Variants in TLCD4 observed in about 807,000 individuals in gnomAD.
The protein encoded by TLCD4 is TLC domain-containing protein 4.
In TLCD4, 7 loss-of-function variants were observed where a neutral mutation model predicts 24.2. The ratio of observed to expected loss-of-function variants is 0.29; its 90% CI spans 0.16 to 0.54. TLCD4 has a LOEUF of 0.54. Ranked by LOEUF, TLCD4 falls within the 20% of genes least tolerant of loss-of-function variation. TLCD4 has a pLI of 0.95. For synonymous variants in TLCD4, 103 were observed against 106.4 expected (o/e 0.97, Z 0.20); for missense variants, 259 against 313.9 (o/e 0.82, Z 1.32).
chr1:95,188,405 A>AG (rs1678907740), intron 6 of TLCD4, among the ~76,000 whole-genome samples: 1 of 151,670 alleles, frequency 6.6e-6, no homozygotes, highest in African/African-American at 2.4e-5. Flanking sequence ...AAAAAAAAAA[A>AG]AAAAGAATTT....
chr1:95,170,955 G>A (rs1425146105), intron 5 of TLCD4, among the ~76,000 whole-genome samples: 1 of 151,928 alleles, frequency 6.6e-6, no homozygotes, highest in Non-Finnish European at 1.5e-5. Context: ...TACCTAAGGA[G>A]TTTGAAATGC....
the TLCD4 span, among the ~76,000 whole-genome samples, chr1:95,103,572 G>A: frequency 0.21 from 31,295 of 151,920 alleles, 3,650 homozygotes; most frequent in East Asian, 0.39. Context: ...GAATGATTGG[G>A]CTTTACTGTT....
At chr1:95,131,548 G>T (rs1386621199) in intron 1 of TLCD4, among the ~76,000 whole-genome samples, 1 of 152,200 alleles carries the variant, frequency 6.6e-6, no homozygotes, top group Non-Finnish European at 1.5e-5. Flanking sequence ...TTTTAGAAAA[G>T]ATTCTCCTGG....
At chr1:95,150,336 G>C in intron 4 of TLCD4, 70 bp downstream of exon 4, 1 of 1,558,780 alleles carries the variant, frequency 6.4e-7, no homozygotes, top group Non-Finnish European at 8.6e-7. Context: ...AGAATATATA[G>C]TCTATGCTTT....
chr1:95,187,046 A>G (rs185325682), intron 6 of TLCD4, among the ~76,000 whole-genome samples: 75 of 152,382 alleles, frequency 4.9e-4, no homozygotes, highest in Admixed American at 2.1e-3. Flanking sequence ...ATGATGTAAA[A>G]TTAGGCAAGG....
intron 1 of TLCD4, chr1:95,121,154 A>G (rs1013602684): frequency 6.6e-6 from 1 of 152,262 alleles, no homozygotes; most frequent in Non-Finnish European, 1.5e-5. Flanking sequence ...CTTTAAGGAA[A>G]AGGAAACGTG....
intron 1 of TLCD4, among the ~76,000 whole-genome samples, chr1:95,138,737 A>G (rs1357234287): frequency 1.3e-5 from 2 of 152,178 alleles, no homozygotes; most frequent in East Asian, 1.9e-4. Flanking sequence ...TACATGGTGT[A>G]GACAGATGCT....
intron 6 of TLCD4, among the ~76,000 whole-genome samples, chr1:95,188,391 A>AAG (rs1678907097): frequency 6.7e-6 from 1 of 149,582 alleles, no homozygotes; most frequent in African/African-American, 2.5e-5. Context: ...CCGTCTCAGA[A>AAG]AAAAAAAAAA....
At chr1:95,118,212 G>A (rs748822021) in intron 1 of TLCD4, 1 of 152,220 alleles carries the variant, frequency 6.6e-6, no homozygotes, top group Non-Finnish European at 1.5e-5. Flanking sequence ...GAAGGGACCA[G>A]GCGTAGAGTC....
chr1:95,096,516 T>G, the TLCD4 span, among the ~76,000 whole-genome samples: 1 of 152,200 alleles, frequency 6.6e-6, no homozygotes, highest in African/African-American at 2.4e-5. Flanking sequence ...ACCTATAGAT[T>G]GTGCCAAAAT....
At chr1:95,093,208 T>C in the TLCD4 span, among the ~76,000 whole-genome samples, 3 of 152,178 alleles carry the variant, frequency 2.0e-5, no homozygotes, top group Non-Finnish European at 4.4e-5. Context: ...TCCCAGAGGG[T>C]GAACCCAGGG....
chr1:95,104,916 A>C, the TLCD4 span, among the ~76,000 whole-genome samples: 1 of 151,632 alleles, frequency 6.6e-6, no homozygotes, highest in African/African-American at 2.4e-5. Flanking sequence ...GCTACTTGGG[A>C]GGTTGAGGCA....
chr1:95,140,046 C>T (rs1170131981), intron 1 of TLCD4, among the ~76,000 whole-genome samples: 1 of 152,096 alleles, frequency 6.6e-6, no homozygotes, highest in Non-Finnish European at 1.5e-5. Context: ...ACAATGCCTC[C>T]TTCTGGACTG....
intron 5 of TLCD4, among the ~76,000 whole-genome samples, chr1:95,172,481 ACT>A (rs932508995): frequency 6.6e-6 from 1 of 151,846 alleles, no homozygotes; most frequent in Admixed American, 6.6e-5. Flanking sequence ...GCCCTAGTTG[ACT>A]CTCTGAAAAG....
chr1:95,128,302 A>G (rs1390967888), intron 1 of TLCD4, among the ~76,000 whole-genome samples: 1 of 152,228 alleles, frequency 6.6e-6, no homozygotes, highest in Non-Finnish European at 1.5e-5. Flanking sequence ...GTTAAGCATT[A>G]TAAAAACAAA....
chr1:95,163,429 T>TC (rs1677898932), intron 5 of TLCD4: 2 of 152,018 alleles, frequency 1.3e-5, no homozygotes, highest in Admixed American at 1.3e-4. Context: ...TTAGCTTTTT[T>TC]GCGATGGGTT....
At chr1:95,135,214 T>G (rs558505552) in intron 1 of TLCD4, among the ~76,000 whole-genome samples, 1 of 152,044 alleles carries the variant, frequency 6.6e-6, no homozygotes, top group Non-Finnish European at 1.5e-5. Context: ...GTTTGCAGAG[T>G]CCTCTGAAAG....
At chr1:95,174,538 A>G (rs1207111751) in intron 6 of TLCD4, among the ~76,000 whole-genome samples, 2 of 149,568 alleles carry the variant, frequency 1.3e-5, no homozygotes, top group South Asian at 4.2e-4. Context: ...AAAAAAGAAA[A>G]TTAGCTGGGC....
intron 1 of TLCD4, among the ~76,000 whole-genome samples, chr1:95,124,550 G>A (rs926830824): frequency 2.0e-5 from 3 of 152,146 alleles, no homozygotes; most frequent in African/African-American, 7.2e-5. Flanking sequence ...CTAGCCAGGG[G>A]TATCATGCCA....
Sources: gnomAD v4.1 joint callset for allele counts (sites outside exome capture counted in the v4.1 genomes callset) on GRCh38, gnomAD v4.1.1 for gene constraint, MANE v1.5 for transcripts, NCBI Gene and HGNC (gene_info 2026-07-23, HGNC 2026-07-21) for gene names.